ASB5: variants seen among roughly 807,000 people sequenced by gnomAD.
The protein encoded by ASB5 is ankyrin repeat and SOCS box protein 5.
ASB5 carries 45 observed loss-of-function variants against 42.1 expected under a neutral mutation model. That is an observed-to-expected ratio of 1.07 (90% CI 0.84 to 1.37). The LOEUF (loss-of-function observed/expected upper bound fraction) is 1.37, where lower values mean the gene tolerates loss of function less well. Ranked by LOEUF, ASB5 falls within the 40% of genes most tolerant of loss-of-function variation. The pLI is 0.00. For missense variants in ASB5, 402 were observed against 399.8 expected (o/e 1.01, Z -0.05); for synonymous variants, 147 against 150.6 (o/e 0.98, Z 0.18).
At chr4:176,250,056 C>A (rs1968854) in intron 1 of ASB5, among the ~76,000 whole-genome samples, 15,879 of 133,044 alleles carry the variant, frequency 0.12, 1,127 homozygotes, top group Admixed American at 0.16. Context: ...CAGAGTGAGA[C>A]TCCATCTCAA....
intron 1 of ASB5, among the ~76,000 whole-genome samples, chr4:176,255,322 C>T (rs138028990): frequency 9.8e-5 from 15 of 152,352 alleles, no homozygotes; most frequent in African/African-American, 3.1e-4. Context: ...TCTCAAGGAA[C>T]TAAGAGTTGA....
intron 1 of ASB5, among the ~76,000 whole-genome samples, chr4:176,233,431 G>T (rs1753602362): frequency 6.6e-6 from 1 of 150,534 alleles, no homozygotes; most frequent in East Asian, 1.9e-4. Flanking sequence ...TATTTTCCTG[G>T]CATCTCAATC....
chr4:176,261,154 G>A (rs1339715265), intron 1 of ASB5, among the ~76,000 whole-genome samples: 1 of 152,104 alleles, frequency 6.6e-6, no homozygotes, highest in Non-Finnish European at 1.5e-5. Flanking sequence ...TTTAGAAAAT[G>A]GGCTTAATTG....
intron 1 of ASB5, among the ~76,000 whole-genome samples, chr4:176,266,425 G>C (rs1284611046): frequency 6.6e-6 from 1 of 151,904 alleles, no homozygotes; most frequent in Non-Finnish European, 1.5e-5. Context: ...ATTAAACAGA[G>C]ATAATTAAGC....
At chr4:176,222,200 TCTG>T in intron 3 of ASB5, 110 bp downstream of exon 3, 1 of 918,832 alleles carries the variant, frequency 1.1e-6, no homozygotes, top group Non-Finnish European at 1.6e-6. Flanking sequence ...TTATTTTTAT[TCTG>T]CTATTTTTGA....
intron 1 of ASB5, chr4:176,241,634 T>G: frequency 7.2e-7 from 1 of 1,390,772 alleles, no homozygotes; most frequent in Non-Finnish European, 9.3e-7. Flanking sequence ...TCTACTTTAC[T>G]TAAACATGAG....
rs1366824934 is a variant in ASB5, at chr4:176,214,548, A to C, written c.*1052T>G. ...CTCTCTTGCTATTACTTGCAAATACAGTATACTCTAAGCCCTTGTTTTGTG... is the reference window on the plus strand; with the variant it reads ...CTCTCTTGCTATTACTTGCAAATACCGTATACTCTAAGCCCTTGTTTTGTG... On this transcript the variant is annotated 3_prime_UTR_variant, in exon 7 of 7. Transcript: ENST00000296525. 1 of 152,190 alleles carries C rather than the reference A, an allele frequency of 6.6e-6. No individual in the cohort carries two copies. The highest frequency in any genetic ancestry group is 1.5e-5 in the Non-Finnish European group (1 of 68,036). 9.4% of individuals were successfully genotyped at this position (152,190 alleles called of 1,614,324 possible). A position where few individuals can be genotyped will look rare whatever the true frequency, so the allele number is the denominator to read the frequency against.
At chr4:176,238,883 A>G (rs1229413231) in intron 1 of ASB5, among the ~76,000 whole-genome samples, 1 of 152,206 alleles carries the variant, frequency 6.6e-6, no homozygotes, top group East Asian at 1.9e-4. Context: ...CTTATCTTCA[A>G]TTAAGTTCTA....
rs1048545657 is a variant in ASB5, at chr4:176,237,367, C to A, written c.197-12026G>T. 1.1e-5 allele frequency: 11 copies of A among 985,852 alleles called. No individual in the cohort carries two copies. The South Asian group carries it at 4.2e-4, about 38-fold the overall frequency. 61.1% of individuals were successfully genotyped at this position (985,852 alleles called of 1,614,324 possible). A position where few individuals can be genotyped will look rare whatever the true frequency, so the allele number is the denominator to read the frequency against. ...CCTCTATACTCACTAGCCTTCTTTT[C>A]GTGAGGACCTGCTTAATGCAGTTCA... On this transcript the variant is annotated intron_variant, in intron 1 of 6. Transcript: ENST00000296525.
intron 5 of ASB5, among the ~76,000 whole-genome samples, chr4:176,219,618 A>ATATATATATATAT (rs1753142579): frequency 8.2e-6 from 1 of 122,606 alleles, no homozygotes; most frequent in Non-Finnish European, 1.6e-5. Context: ...ATATATATAT[A>ATATATATATATAT]GGCTGGAGTA....
rs1752896962 is a variant in ASB5 at position 176,213,783 on chromosome 4, T to C, written c.*1817A>G. The C allele has an allele frequency of 1.3e-5, 2 of 152,066 alleles. No individual in the cohort carries two copies. Among genetic ancestry groups the C allele is most frequent in the Non-Finnish European group, 1.5e-5 (1 of 67,960 alleles). 9.4% of individuals were successfully genotyped at this position (152,066 alleles called of 1,614,324 possible). A position where few individuals can be genotyped will look rare whatever the true frequency, so the allele number is the denominator to read the frequency against. On this transcript the variant is annotated 3_prime_UTR_variant, in exon 7 of 7. Transcript: ENST00000296525. Reference sequence around the variant, plus strand: ...ATCATACTCAAGCTAAGATACAAGGTACAGACATACTGAAATTGTAAAGTG... The same window carrying C: ...ATCATACTCAAGCTAAGATACAAGGCACAGACATACTGAAATTGTAAAGTG...
chr4:176,221,558 C>G lies in ASB5; in HGVS notation c.427G>C (p.Ala143Pro). The G allele has an allele frequency of 6.2e-7, 1 of 1,613,478 alleles. No homozygotes were observed. Among genetic ancestry groups the G allele is most frequent in the South Asian group, 1.1e-5 (1 of 91,016 alleles). The change falls in exon 4 of 7, where the codon GCA (alanine) becomes CCA (proline). Residue 143 changes from alanine to proline, a missense_variant. Coordinates refer to ENST00000296525, the MANE Select transcript of ASB5 (RefSeq NM_080874.4). Reference protein sequence around the residue: ...TIDGVTPLFNACSQGSPSCAE... With the variant: ...TIDGVTPLFNPCSQGSPSCAE... Reference sequence around the variant, plus strand: ...CAGCTTGGACTGCCTTGGGAGCATGCGTTGAATAACGGAGTCACGCCATCT... The same window carrying G: ...CAGCTTGGACTGCCTTGGGAGCATGGGTTGAATAACGGAGTCACGCCATCT...
intron 1 of ASB5, among the ~76,000 whole-genome samples, chr4:176,226,667 C>A (rs1753387617): frequency 6.6e-6 from 1 of 152,134 alleles, no homozygotes; most frequent in Admixed American, 6.5e-5. Context: ...CCAGATCAGC[C>A]ACAAAAAAGT....
At position 176,221,486 on chromosome 4, in the gene ASB5, A is replaced by G. The variant is rs1753206761; in HGVS notation, c.499T>C (p.Cys167Arg). 6.2e-7 allele frequency: 1 copy of G among 1,614,166 alleles called. No individual in the cohort carries two copies. Among genetic ancestry groups the G allele is most frequent in the Non-Finnish European group, 8.5e-7 (1 of 1,180,020 alleles). Residue 167 changes from cysteine to arginine, a missense_variant, in exon 4 of 7, where the codon TGT becomes CGT. Cys to Arg is a radical substitution (Grantham distance 180). Transcript: ENST00000296525. The part of the protein sequence containing the change: ...EYGAKAQLES[C>R]LPSPTHEAAS... ...GCCTCATGCGTTGGGGATGGAAGAC[A>G]TGACTCCAGCTGGGCTTTGGCACCA...
chr4:176,268,543 C>T (rs1014785520), intron 1 of ASB5, among the ~76,000 whole-genome samples: 23 of 152,182 alleles, frequency 1.5e-4, no homozygotes, highest in East Asian at 3.9e-4. Context: ...CATTAGAGGA[C>T]GACTGAAGTG....
chr4:176,234,471 A>C (rs1753633906), intron 1 of ASB5, among the ~76,000 whole-genome samples: 1 of 152,144 alleles, frequency 6.6e-6, no homozygotes, highest in African/African-American at 2.4e-5. Context: ...TTCTATTAAA[A>C]AATCCTCCCT....
chr4:176,215,560 A>G lies in ASB5; in HGVS notation c.*40T>C. 1 of 1,580,700 alleles carries G rather than the reference A, an allele frequency of 6.3e-7. No individual in the cohort carries two copies. Among genetic ancestry groups the G allele is most frequent in the South Asian group, 1.1e-5 (1 of 88,314 alleles). On this transcript the variant is annotated 3_prime_UTR_variant, in exon 7 of 7. Transcript: ENST00000296525. The stretch of plus-strand genomic sequence containing the variant: ...ACTATTCCTTAAGCAAAAGAAATAG[A>G]AATTTTGATTTTCAAGGTATTTAGA...
intron 1 of ASB5, among the ~76,000 whole-genome samples, chr4:176,239,033 A>T (rs1388334483): frequency 1.3e-5 from 2 of 152,196 alleles, no homozygotes; most frequent in African/African-American, 4.8e-5. Context: ...AGCTGTAGAC[A>T]TATTATATTA....
At chr4:176,225,730 C>T (rs1241605564) in intron 1 of ASB5, among the ~76,000 whole-genome samples, 1 of 152,164 alleles carries the variant, frequency 6.6e-6, no homozygotes, top group Non-Finnish European at 1.5e-5. Flanking sequence ...GCAGGGACTA[C>T]AGGCGCACAC....
Sources: allele counts gnomAD v4.1 joint callset (sites outside exome capture counted in the v4.1 genomes callset), GRCh38; gene constraint gnomAD v4.1.1; transcripts MANE v1.5; gene names NCBI Gene and HGNC (gene_info 2026-07-23, HGNC 2026-07-21).